Variants in GALNTL6 observed in about 807,000 individuals in gnomAD.
GALNTL6 encodes the protein polypeptide N-acetylgalactosaminyltransferase like 6, also known as polypeptide N-acetylgalactosaminyltransferase-like 6.
Under a neutral mutation model 73.7 loss-of-function variants are expected in GALNTL6, and 46 were observed. That is an observed-to-expected ratio of 0.62 (90% CI 0.49 to 0.80). The LOEUF is 0.80. GALNTL6 is among the 30% of genes least tolerant of loss of function. The probability of loss-of-function intolerance (pLI) is 0.00; values close to 1 mark genes in which losing one functional copy is unlikely to be tolerated. For missense variants in GALNTL6, 604 were observed against 755.0 expected, an observed-to-expected ratio of 0.80 and a Z score of 2.34; for synonymous variants, 259 against 263.7, an observed-to-expected ratio of 0.98 and a Z score of 0.17.
intron 4 of GALNTL6, among the ~76,000 whole-genome samples, chr4:172,340,755 C>T (rs1246558271): frequency 6.6e-6 from 1 of 152,200 alleles, no homozygotes. Flanking sequence ...TAACTCTTTC[C>T]ATACTCCACC....
intron 5 of GALNTL6, among the ~76,000 whole-genome samples, chr4:172,696,659 A>G (rs986923492): frequency 1.2e-4 from 19 of 152,214 alleles, no homozygotes; most frequent in Admixed American, 1.3e-4. Flanking sequence ...GCCTGCTGCC[A>G]TGTAAGACGT....
intron 5 of GALNTL6, among the ~76,000 whole-genome samples, chr4:172,732,254 C>A (rs1039168031): frequency 6.6e-6 from 1 of 152,144 alleles, no homozygotes. Context: ...CTTATATCCT[C>A]TTATTGAATT....
intron 4 of GALNTL6, among the ~76,000 whole-genome samples, chr4:172,319,154 C>G (rs1740672585): frequency 6.6e-6 from 1 of 152,268 alleles, no homozygotes; most frequent in African/African-American, 2.4e-5. Context: ...GAAAATTCTG[C>G]CATTTTAAAG....
At chr4:172,762,007 A>C (rs1421582784) in intron 5 of GALNTL6, among the ~76,000 whole-genome samples, 1 of 152,230 alleles carries the variant, frequency 6.6e-6, no homozygotes, top group Non-Finnish European at 1.5e-5. Flanking sequence ...CCTTGACACC[A>C]GGGACTGTAA....
intron 7 of GALNTL6, among the ~76,000 whole-genome samples, chr4:172,828,966 A>G (rs1439062648): frequency 7.9e-5 from 12 of 152,182 alleles, no homozygotes; most frequent in Non-Finnish European, 1.8e-4. Flanking sequence ...CGGCGGAGCT[A>G]TGCATGCTCC....
At chr4:172,708,107 G>A (rs1311695626) in intron 5 of GALNTL6, among the ~76,000 whole-genome samples, 9 of 152,168 alleles carry the variant, frequency 5.9e-5, no homozygotes, top group Non-Finnish European at 5.9e-5. Context: ...CTAGAGTGCA[G>A]TGGCACAATC....
At chr4:172,802,074 C>T (rs943520685) in intron 5 of GALNTL6, among the ~76,000 whole-genome samples, 1 of 151,934 alleles carries the variant, frequency 6.6e-6, no homozygotes, top group Non-Finnish European at 1.5e-5. Flanking sequence ...AGCCCTTGGT[C>T]CTGAGGAATT....
In GALNTL6 at chr4:173,020,464, T is replaced by G. The variant is rs921925588; in HGVS notation, c.1489-1012T>G. Among the ~76,000 whole-genome samples, 4 of 152,238 alleles carry G rather than the reference T, an allele frequency of 2.6e-5. No homozygotes were observed. In the East Asian group the frequency reaches 7.7e-4, roughly 29 times the overall value. ...CTCAGTAAAGGTAAATATCATTTCATGAAACTTCTGTTTCTATTGGAATCA... is the reference window on the plus strand; with the variant it reads ...CTCAGTAAAGGTAAATATCATTTCAGGAAACTTCTGTTTCTATTGGAATCA... On this transcript the variant is annotated intron_variant, in intron 11 of 12. Coordinates refer to ENST00000506823, the MANE Select transcript of GALNTL6 (RefSeq NM_001034845.3).
At chr4:172,114,468 G>A (rs1391894079) in intron 2 of GALNTL6, among the ~76,000 whole-genome samples, 2 of 151,956 alleles carry the variant, frequency 1.3e-5, no homozygotes, top group Non-Finnish European at 2.9e-5. Flanking sequence ...TATATCTATA[G>A]AAATAAAGGG....
intron 7 of GALNTL6, among the ~76,000 whole-genome samples, chr4:172,842,572 G>C (rs138270356): frequency 6.6e-6 from 1 of 152,116 alleles, no homozygotes; most frequent in Admixed American, 6.5e-5. Flanking sequence ...AGTTCACAAG[G>C]TGTAATAATA....
rs938663740 is a variant in GALNTL6 at position 171,893,429 on chromosome 4, T to C, written c.138+78711T>C. ...CATGAGTCTGTCTTTCTCAGTAAAA[T>C]GAATAATAGTACCAGTGTGGTACCT... On this transcript the variant is annotated intron_variant, in intron 2 of 12. Transcript: ENST00000506823. 9.9e-5 allele frequency among the ~76,000 whole-genome samples: 15 copies of C among 152,282 alleles called. 1 individual carries two copies. The highest frequency in any genetic ancestry group is 5.9e-4 in the Admixed American group (9 of 15,288).
At chr4:171,849,604 T>C (rs1001685753) in intron 2 of GALNTL6, among the ~76,000 whole-genome samples, 26 of 152,204 alleles carry the variant, frequency 1.7e-4, no homozygotes, top group Admixed American at 9.8e-4. Flanking sequence ...ATTTTACCTA[T>C]TAATGTAAGT....
In GALNTL6 at chr4:173,040,192, T is replaced by C; in HGVS notation, c.*92T>C. ...CGAAGGAGTCAGGAATAACATTTCCTCGATCCAGGAAGGCTGGTTTAAAAA... is the reference window on the plus strand; with the variant it reads ...CGAAGGAGTCAGGAATAACATTTCCCCGATCCAGGAAGGCTGGTTTAAAAA... On this transcript the variant is annotated 3_prime_UTR_variant, in exon 13 of 13. Transcript: ENST00000506823. 1.0e-6 allele frequency: 1 copy of C among 981,462 alleles called. No homozygotes were observed. Among genetic ancestry groups the C allele is most frequent in the Non-Finnish European group, 1.5e-6 (1 of 663,678 alleles). The allele number at this position is 981,462 out of a possible 1,614,324, so 60.8% of individuals were successfully genotyped here. A position where few individuals can be genotyped will look rare whatever the true frequency, so the allele number is the denominator to read the frequency against.
At chr4:172,246,992 A>G (rs948854587) in intron 3 of GALNTL6, among the ~76,000 whole-genome samples, 4 of 152,048 alleles carry the variant, frequency 2.6e-5, no homozygotes, top group African/African-American at 9.7e-5. Context: ...GTTAACATTT[A>G]TAACACATGT....
intron 5 of GALNTL6, among the ~76,000 whole-genome samples, chr4:172,379,197 C>T (rs1743164177): frequency 6.6e-6 from 1 of 152,146 alleles, no homozygotes; most frequent in South Asian, 2.1e-4. Context: ...CCATCTACAG[C>T]ATCTAAATAA....
At chr4:172,772,934 C>A (rs1310777103) in intron 5 of GALNTL6, among the ~76,000 whole-genome samples, 1 of 152,106 alleles carries the variant, frequency 6.6e-6, no homozygotes, top group African/African-American at 2.4e-5. Context: ...GGCAATGTGA[C>A]AATGGAAACA....
chr4:172,201,507 G>GTT (rs61645969), intron 2 of GALNTL6, among the ~76,000 whole-genome samples: 2 of 144,388 alleles, frequency 1.4e-5, no homozygotes, highest in Non-Finnish European at 1.5e-5. Context: ...ACCGGGACTA[G>GTT]TTTTTTTTTT....
chr4:172,448,148 T>G (rs1732093946), intron 5 of GALNTL6, among the ~76,000 whole-genome samples: 1 of 152,192 alleles, frequency 6.6e-6, no homozygotes, highest in South Asian at 2.1e-4. Context: ...CCAGCGCTAC[T>G]GATTCTTCAA....
At chr4:172,907,572 A>G (rs953700189) in intron 8 of GALNTL6, among the ~76,000 whole-genome samples, 1 of 152,240 alleles carries the variant, frequency 6.6e-6, no homozygotes, top group Non-Finnish European at 1.5e-5. Context: ...AATACAGTAG[A>G]TCCCCCTTAT....
Sources: allele counts gnomAD v4.1 joint callset (sites outside exome capture counted in the v4.1 genomes callset), GRCh38; gene constraint gnomAD v4.1.1; transcripts MANE v1.5; gene names NCBI Gene and HGNC (gene_info 2026-07-23, HGNC 2026-07-21).